Variants in SPON1 observed in about 807,000 individuals in gnomAD.
The protein encoded by SPON1 is spondin 1.
In SPON1, 52 loss-of-function variants were observed where a neutral mutation model predicts 111.7. The observed-to-expected ratio is 0.47, with a 90% CI of 0.37 to 0.59. The LOEUF is 0.59. Ranked by LOEUF, SPON1 falls within the 20% of genes least tolerant of loss-of-function variation. The pLI is 0.00. For synonymous variants in SPON1, 410 were observed against 395.8 expected (o/e 1.04, Z -0.43); for missense variants, 957 against 1,068.5 (o/e 0.90, Z 1.46).
intron 1 of SPON1, among the ~76,000 whole-genome samples, chr11:13,968,667 C>G (rs575388541): frequency 6.6e-6 from 1 of 152,310 alleles, no homozygotes; most frequent in East Asian, 1.9e-4. Context: ...TTGCTGTTCT[C>G]CTCAGCACCG....
At chr11:14,064,379 C>T (rs554956536) in intron 3 of SPON1, among the ~76,000 whole-genome samples, 18 of 152,262 alleles carry the variant, frequency 1.2e-4, no homozygotes, top group African/African-American at 4.3e-4. Context: ...CTGGTTAATG[C>T]GGCTCTGAGG....
At chr11:14,006,366 C>A (rs1160352927) in intron 2 of SPON1, among the ~76,000 whole-genome samples, 3 of 152,066 alleles carry the variant, frequency 2.0e-5, no homozygotes, top group African/African-American at 7.2e-5. Flanking sequence ...ATTAAATTTT[C>A]AACTTAGGAA....
At chr11:14,198,349 G>C (rs782388663) in intron 6 of SPON1, among the ~76,000 whole-genome samples, 1 of 152,194 alleles carries the variant, frequency 6.6e-6, no homozygotes, top group Non-Finnish European at 1.5e-5. Context: ...CCTTATGACC[G>C]CTCTCAAATC....
At position 14,259,443 on chromosome 11, in the gene SPON1, G is replaced by A. The variant is rs1849147081; in HGVS notation, c.1656G>A (p.Glu552=). The change falls in exon 12 of 16, where the codon GAG becomes GAA. Residue 552 remains glutamate (E), a synonymous_variant. Transcript: ENST00000576479. This position sits in a 1 kb window ranked among gnomAD's most constrained non-coding sequence, Gnocchi z 5.0. ...TEETEKCTVN[E]ECSPSSCLMT... ...AAACGGAGAAGTGCACGGTCAACGA[G>A]GAGTGCTGTGAGTGGGGGCCCCGGG... 1 of 1,607,972 alleles carries A rather than the reference G, an allele frequency of 6.2e-7. No homozygotes were observed. Among genetic ancestry groups the A allele is most frequent in the Admixed American group, 1.7e-5 (1 of 59,272 alleles).
rs543607192 is a variant in SPON1, at chr11:14,220,912, C to T, written c.826-22420C>T. Among the ~76,000 whole-genome samples, 9 of 152,224 alleles carry T rather than the reference C, an allele frequency of 5.9e-5. No homozygotes were observed. In the East Asian group the frequency reaches 7.7e-4, roughly 13 times the overall value. ...ATTAAAATAGGAACAAAGTGGCAAG[C>T]TTTTCATGGCTTATTATGCCAGGGT... On this transcript the variant is annotated intron_variant, in intron 6 of 15. Transcript: ENST00000576479.
chr11:13,983,054 A>T, intron 2 of SPON1, 101 bp downstream of exon 2: 1 of 737,776 alleles, frequency 1.4e-6, no homozygotes, highest in Non-Finnish European at 2.3e-6. Context: ...CAGTCCCTTG[A>T]CCGTTGGCCA....
At chr11:13,993,756 A>G (rs1848249876) in intron 2 of SPON1, among the ~76,000 whole-genome samples, 1 of 152,256 alleles carries the variant, frequency 6.6e-6, no homozygotes, top group Non-Finnish European at 1.5e-5. Context: ...CTCCCTTCAG[A>G]GTATCCCTGG....
chr11:14,255,360 G>A (rs2133924340), intron 8 of SPON1, among the ~76,000 whole-genome samples: 1 of 152,258 alleles, frequency 6.6e-6, no homozygotes, highest in East Asian at 1.9e-4. Flanking sequence ...AAAGAGTTTG[G>A]GATTCAGGCC....
intron 6 of SPON1, among the ~76,000 whole-genome samples, chr11:14,136,684 C>T (rs1386800938): frequency 2.6e-5 from 4 of 152,142 alleles, no homozygotes; most frequent in Non-Finnish European, 4.4e-5. Context: ...TCGAAAAATG[C>T]CCCAGAATGA....
chr11:14,200,736 A>G (rs1279142900), intron 6 of SPON1, among the ~76,000 whole-genome samples: 1 of 149,844 alleles, frequency 6.7e-6, no homozygotes, highest in East Asian at 2.0e-4. Flanking sequence ...AATAGCTTGA[A>G]CCCGGGAGGT....
chr11:14,137,742 C>T (rs2133861952), intron 6 of SPON1, among the ~76,000 whole-genome samples: 1 of 152,236 alleles, frequency 6.6e-6, no homozygotes, highest in East Asian at 1.9e-4. Context: ...GTCCTGTGAG[C>T]CTGCATGGGT....
At chr11:14,200,914 C>T (rs1848455387) in intron 6 of SPON1, among the ~76,000 whole-genome samples, 3 of 150,334 alleles carry the variant, frequency 2.0e-5, no homozygotes, top group Admixed American at 2.0e-4. Context: ...GGATGGTGGC[C>T]GGAAGTTGGG....
At chr11:14,070,332 G>A (rs1366437714) in intron 3 of SPON1, among the ~76,000 whole-genome samples, 1 of 152,140 alleles carries the variant, frequency 6.6e-6, no homozygotes, top group Non-Finnish European at 1.5e-5. Flanking sequence ...AAATAGTCTA[G>A]AGACCACAAA....
intron 6 of SPON1, among the ~76,000 whole-genome samples, chr11:14,185,110 A>G (rs1848272836): frequency 6.6e-6 from 1 of 152,232 alleles, no homozygotes; most frequent in Non-Finnish European, 1.5e-5. Context: ...TTCTGCTTAG[A>G]TACAAGAGTG....
intron 5 of SPON1, among the ~76,000 whole-genome samples, chr11:14,080,803 G>A (rs1848956729): frequency 6.6e-6 from 1 of 152,138 alleles, no homozygotes; most frequent in Non-Finnish European, 1.5e-5. Flanking sequence ...TTCATGAGGG[G>A]CCAAGCATGG....
chr11:14,261,329 C>T (rs1430361497), intron 14 of SPON1, among the ~76,000 whole-genome samples: 1 of 152,190 alleles, frequency 6.6e-6, no homozygotes, highest in Non-Finnish European at 1.5e-5. Flanking sequence ...CTTGGCTGGT[C>T]TTCCAAGAGC....
chr11:14,078,798 T>A (rs567567314), intron 4 of SPON1, among the ~76,000 whole-genome samples: 1 of 152,338 alleles, frequency 6.6e-6, no homozygotes, highest in South Asian at 2.1e-4. Context: ...CTCAGTATTT[T>A]GTAGTTATTA....
intron 6 of SPON1, among the ~76,000 whole-genome samples, chr11:14,139,728 A>ATATATATAT (rs1564913661): frequency 6.6e-6 from 1 of 151,118 alleles, no homozygotes; most frequent in African/African-American, 2.4e-5. Context: ...ATATATATTT[A>ATATATATAT]AGTGAAAAGA....
At chr11:14,082,467 C>T (rs1848970201) in intron 5 of SPON1, among the ~76,000 whole-genome samples, 1 of 152,198 alleles carries the variant, frequency 6.6e-6, no homozygotes, top group Non-Finnish European at 1.5e-5. Flanking sequence ...AAGAAGTCCT[C>T]CAGGACAAAC....
Sources: allele counts gnomAD v4.1 joint callset (sites outside exome capture counted in the v4.1 genomes callset), GRCh38; gene constraint gnomAD v4.1.1; non-coding constraint Gnocchi (gnomAD v3.1); transcripts MANE v1.5; gene names NCBI Gene and HGNC (gene_info 2026-07-23, HGNC 2026-07-21).